Variants in SAMD3 observed in about 807,000 individuals in gnomAD.
The protein encoded by SAMD3 is sterile alpha motif domain-containing protein 3.
In SAMD3, 63 loss-of-function variants were observed where a neutral mutation model predicts 58.5. That is an observed-to-expected ratio of 1.08 (90% CI 0.88 to 1.33). SAMD3 has a LOEUF of 1.33. Ranked by LOEUF, SAMD3 falls within the 40% of genes most tolerant of loss-of-function variation. The probability of loss-of-function intolerance (pLI) is 0.00; values close to 1 mark genes in which losing one functional copy is unlikely to be tolerated. For missense variants in SAMD3, 604 were observed against 608.4 expected, an observed-to-expected ratio of 0.99 and a Z score of 0.08; for synonymous variants, 220 against 210.3, an observed-to-expected ratio of 1.05 and a Z score of -0.40.
chr6:130,255,395 AT>A (rs915853517), intron 2 of SAMD3, among the ~76,000 whole-genome samples: 5 of 152,190 alleles, frequency 3.3e-5, no homozygotes, highest in African/African-American at 9.6e-5. Context: ...ATAATAGGGT[AT>A]TGAAGCCCCC....
chr6:130,259,786 A>G (rs781172394), intron 2 of SAMD3, among the ~76,000 whole-genome samples: 13 of 152,180 alleles, frequency 8.5e-5, no homozygotes, highest in African/African-American at 1.7e-4. Flanking sequence ...CCTATCCTTT[A>G]CCCAGATTCC....
At chr6:130,268,306 G>C (rs1334221644) in intron 2 of SAMD3, among the ~76,000 whole-genome samples, 2 of 152,132 alleles carry the variant, frequency 1.3e-5, no homozygotes, top group Non-Finnish European at 2.9e-5. Context: ...TTTAATCTAA[G>C]TGTTACTACA....
At chr6:130,241,206 C>CTTTTTTTT (rs57573903) in intron 2 of SAMD3, among the ~76,000 whole-genome samples, 1 of 109,262 alleles carries the variant, frequency 9.2e-6, no homozygotes, top group Non-Finnish European at 1.7e-5. Context: ...CTTAAACCTC[C>CTTTTTTTT]TTTTTTTTTT....
chr6:130,245,678 C>G (rs1773517803), intron 2 of SAMD3, among the ~76,000 whole-genome samples: 1 of 152,216 alleles, frequency 6.6e-6, no homozygotes, highest in South Asian at 2.1e-4. Context: ...TGGAGCAGAA[C>G]CATGTATTGG....
upstream of SAMD3, among the ~76,000 whole-genome samples, chr6:130,223,728 C>CCCCT (rs1312003400): frequency 7.2e-5 from 11 of 152,170 alleles, no homozygotes; most frequent in Admixed American, 7.2e-4. Context: ...GCAGCTCAAA[C>CCCCT]CCCTAGAGGG....
upstream of SAMD3, among the ~76,000 whole-genome samples, chr6:130,227,788 C>CAAA (rs113229702): frequency 2.4e-5 from 3 of 126,690 alleles, no homozygotes; most frequent in African/African-American, 8.5e-5. Context: ...AACTCCATCT[C>CAAA]AAAAAAAAAA....
chr6:130,234,517 T>A (rs1322244933), intron 2 of SAMD3, among the ~76,000 whole-genome samples: 1 of 152,170 alleles, frequency 6.6e-6, no homozygotes, highest in African/African-American at 2.4e-5. Context: ...TATATGTATA[T>A]CTCTATTTTC....
chr6:130,352,586 T>C (rs574841105), intron 1 of SAMD3, among the ~76,000 whole-genome samples: 1 of 152,322 alleles, frequency 6.6e-6, no homozygotes, highest in Admixed American at 6.5e-5. Context: ...CTCAAGCTCA[T>C]TGTGTAGCTG....
chr6:130,181,511 C>T (rs1792329094), intron 7 of SAMD3, among the ~76,000 whole-genome samples: 1 of 152,182 alleles, frequency 6.6e-6, no homozygotes, highest in Non-Finnish European at 1.5e-5. Flanking sequence ...GCACACATCT[C>T]TTTATCAGTT....
At chr6:130,280,419 A>G (rs1420040155) in intron 2 of SAMD3, among the ~76,000 whole-genome samples, 1 of 152,150 alleles carries the variant, frequency 6.6e-6, no homozygotes, top group African/African-American at 2.4e-5. Context: ...GATCTGCAGA[A>G]GGTTCATTTT....
At chr6:130,314,952 T>C (rs933913897) in intron 1 of SAMD3, among the ~76,000 whole-genome samples, 1 of 152,198 alleles carries the variant, frequency 6.6e-6, no homozygotes, top group Non-Finnish European at 1.5e-5. Flanking sequence ...AGTTATCACA[T>C]ACTCACTAAA....
chr6:130,282,042 T>A (rs946959761), intron 2 of SAMD3, among the ~76,000 whole-genome samples: 23 of 152,154 alleles, frequency 1.5e-4, no homozygotes, highest in Admixed American at 7.2e-4. Flanking sequence ...AAATTCTTCT[T>A]CCTTCAAGAC....
At chr6:130,192,059 TCTC>T (rs1331607933) in intron 5 of SAMD3, among the ~76,000 whole-genome samples, 10 of 152,156 alleles carry the variant, frequency 6.6e-5, no homozygotes, top group Admixed American at 2.6e-4. Context: ...TGCATGTGGT[TCTC>T]CTCATCTGAA....
chr6:130,208,874 T>C (rs1795295835), intron 5 of SAMD3, among the ~76,000 whole-genome samples: 1 of 152,196 alleles, frequency 6.6e-6, no homozygotes, highest in Non-Finnish European at 1.5e-5. Context: ...TCAAAAAGGT[T>C]GGGAACCGCT....
intron 2 of SAMD3, among the ~76,000 whole-genome samples, chr6:130,235,940 A>G (rs923551694): frequency 1.3e-5 from 2 of 152,318 alleles, no homozygotes; most frequent in East Asian, 1.9e-4. Flanking sequence ...AGATGTAGAG[A>G]TGTAGAAAAA....
At chr6:130,323,411 GAC>G (rs761893666) in intron 1 of SAMD3, among the ~76,000 whole-genome samples, 3 of 151,448 alleles carry the variant, frequency 2.0e-5, no homozygotes, top group Non-Finnish European at 2.9e-5. Flanking sequence ...TATGGACAAA[GAC>G]ACACTAATAT....
chr6:130,240,989 T>C (rs1773335079), intron 2 of SAMD3, among the ~76,000 whole-genome samples: 1 of 152,144 alleles, frequency 6.6e-6, no homozygotes, highest in Admixed American at 6.5e-5. Flanking sequence ...CTCAGTATCT[T>C]GGAGGCACAC....
In SAMD3 at chr6:130,168,678, G is replaced by A. The variant is rs570077723; in HGVS notation, c.822+7163C>T. On this transcript the variant is annotated intron_variant, in intron 8 of 11. Coordinates refer to ENST00000439090, the MANE Select transcript of SAMD3 (RefSeq NM_001017373.4). Reference sequence around the variant, plus strand: ...GTGTCTTGCCTGCATCAACATTTTCGATCTCTGCAGCATAGGAAATAATTT... The same window carrying A: ...GTGTCTTGCCTGCATCAACATTTTCAATCTCTGCAGCATAGGAAATAATTT... Among the ~76,000 whole-genome samples the A allele has an allele frequency of 9.9e-5, 15 of 152,150 alleles. No homozygotes were observed. In the South Asian group the frequency reaches 1.9e-3, roughly 19 times the overall value.
At chr6:130,302,625 C>G (rs1389190031) in intron 2 of SAMD3, among the ~76,000 whole-genome samples, 1 of 152,132 alleles carries the variant, frequency 6.6e-6, no homozygotes, top group African/African-American at 2.4e-5. Context: ...GACACCTGCA[C>G]TTGTATGTTT....
Sources: allele counts gnomAD v4.1 joint callset (sites outside exome capture counted in the v4.1 genomes callset), GRCh38; gene constraint gnomAD v4.1.1; transcripts MANE v1.5; gene names NCBI Gene and HGNC (gene_info 2026-07-23, HGNC 2026-07-21).